The following COLEC10 variants were observed in gnomAD, a reference collection of about 807,000 sequenced individuals.
The protein encoded by COLEC10 is collectin-10.
COLEC10 carries 22 observed loss-of-function variants against 28.4 expected under a neutral mutation model. That is an observed-to-expected ratio of 0.78 (90% CI 0.55 to 1.11). The LOEUF (loss-of-function observed/expected upper bound fraction) is 1.11, where lower values mean the gene tolerates loss of function less well. COLEC10 is among the 50% of genes least tolerant of loss of function. COLEC10 has a pLI of 0.00. For synonymous variants in COLEC10, 125 were observed against 116.1 expected (o/e 1.08, Z -0.49); for missense variants, 361 against 344.1 (o/e 1.05, Z -0.39).
chr8:118,998,076 T>A (rs1253935741), intron 1 of COLEC10, among the ~76,000 whole-genome samples: 1 of 152,164 alleles, frequency 6.6e-6, no homozygotes, highest in Non-Finnish European at 1.5e-5. Flanking sequence ...GATGTGATTT[T>A]GAACAGCAAA....
chr8:118,966,997 T>C, the COLEC10 span, among the ~76,000 whole-genome samples: 7 of 152,124 alleles, frequency 4.6e-5, no homozygotes, highest in African/African-American at 1.7e-4. Context: ...GATCAACTTT[T>C]TAAACACCAC....
intron 2 of COLEC10, among the ~76,000 whole-genome samples, chr8:119,056,099 C>T (rs1814757255): frequency 6.6e-6 from 1 of 151,990 alleles, no homozygotes; most frequent in African/African-American, 2.4e-5. Context: ...CTGATTTCTT[C>T]CTCTTCTTTA....
At chr8:118,997,121 A>C (rs936486689) in intron 1 of COLEC10, among the ~76,000 whole-genome samples, 24 of 152,186 alleles carry the variant, frequency 1.6e-4, no homozygotes, top group African/African-American at 5.5e-4. Flanking sequence ...TCCTTTGCCC[A>C]TTTTAAAATC....
intron 1 of COLEC10, among the ~76,000 whole-genome samples, chr8:119,073,941 C>CGTTTT (rs1815173018): frequency 1.5e-5 from 1 of 67,176 alleles, no homozygotes; most frequent in African/African-American, 1.3e-4. Flanking sequence ...ATAAAACGTA[C>CGTTTT]ATATATACAC....
chr8:119,076,618 T>C (rs1815243009), intron 1 of COLEC10, among the ~76,000 whole-genome samples: 1 of 152,236 alleles, frequency 6.6e-6, no homozygotes, highest in Non-Finnish European at 1.5e-5. Flanking sequence ...CAAGAGCTTA[T>C]AGATTTTGAA....
chr8:118,969,367 A>G, the COLEC10 span, among the ~76,000 whole-genome samples: 1 of 151,952 alleles, frequency 6.6e-6, no homozygotes, highest in Non-Finnish European at 1.5e-5. Flanking sequence ...ACTAATGGAG[A>G]CTCATGGATC....
chr8:119,012,572 G>T (rs568669689), intron 2 of COLEC10, among the ~76,000 whole-genome samples: 1 of 150,472 alleles, frequency 6.6e-6, no homozygotes, highest in Non-Finnish European at 1.5e-5. Flanking sequence ...ATATTTGATA[G>T]AATTCACTAG....
chr8:119,019,698 G>A (rs563411849), intron 2 of COLEC10, among the ~76,000 whole-genome samples: 13 of 152,222 alleles, frequency 8.5e-5, no homozygotes, highest in African/African-American at 2.9e-4. Flanking sequence ...AGATTCCACA[G>A]CAATTGCATT....
intron 2 of COLEC10, among the ~76,000 whole-genome samples, chr8:119,024,060 T>A (rs1270208234): frequency 6.6e-6 from 1 of 152,188 alleles, no homozygotes; most frequent in Non-Finnish European, 1.5e-5. Context: ...AGTTTAGATA[T>A]TAAATTTGCA....
At chr8:119,094,557 C>A (rs1815673248) in intron 3 of COLEC10, among the ~76,000 whole-genome samples, 1 of 152,158 alleles carries the variant, frequency 6.6e-6, no homozygotes, top group African/African-American at 2.4e-5. Flanking sequence ...GGGCCATGAT[C>A]TGGAGGAGAA....
intron 2 of COLEC10, among the ~76,000 whole-genome samples, chr8:119,034,264 T>G (rs909745456): frequency 6.6e-6 from 1 of 151,938 alleles, no homozygotes; most frequent in African/African-American, 2.4e-5. Flanking sequence ...TGGGGAGGGA[T>G]AGCATTTGGA....
upstream of COLEC10, among the ~76,000 whole-genome samples, chr8:118,994,597 A>G (rs1215904850): frequency 6.6e-6 from 1 of 152,124 alleles, no homozygotes; most frequent in East Asian, 1.9e-4. Flanking sequence ...TCCCTTGTCC[A>G]AGGTAGAGCC....
At chr8:118,991,900 C>T (rs1434438731), upstream of COLEC10, among the ~76,000 whole-genome samples, 2 of 152,060 alleles carry the variant, frequency 1.3e-5, no homozygotes, top group Non-Finnish European at 2.9e-5. Flanking sequence ...TATTATTATT[C>T]TTGTTTTACA....
At chr8:119,078,990 T>TACACACAC (rs59453751) in intron 1 of COLEC10, among the ~76,000 whole-genome samples, 37 of 143,100 alleles carry the variant, frequency 2.6e-4, no homozygotes, top group East Asian at 6.4e-4. Context: ...TGGGAAAACG[T>TACACACAC]ACACACACAC....
At chr8:119,094,159 T>C (rs1450157214) in intron 3 of COLEC10, among the ~76,000 whole-genome samples, 1 of 152,132 alleles carries the variant, frequency 6.6e-6, no homozygotes, top group East Asian at 1.9e-4. Context: ...CGGATCATCA[T>C]ATCAATGAGT....
chr8:119,064,605 T>C (rs1373965783), upstream of COLEC10, among the ~76,000 whole-genome samples: 2 of 152,220 alleles, frequency 1.3e-5, no homozygotes, highest in African/African-American at 4.8e-5. Context: ...CTATGACACA[T>C]GTAAAATGTT....
chr8:119,052,120 T>C (rs1175487266), intron 2 of COLEC10, among the ~76,000 whole-genome samples: 1 of 152,198 alleles, frequency 6.6e-6, no homozygotes, highest in Non-Finnish European at 1.5e-5. Flanking sequence ...AATATTACCA[T>C]CTACAAGATT....
intron 2 of COLEC10, among the ~76,000 whole-genome samples, chr8:119,024,908 C>G (rs1301596832): frequency 6.6e-6 from 1 of 152,090 alleles, no homozygotes; most frequent in African/African-American, 2.4e-5. Context: ...TGATTTAGTT[C>G]TCGTATGACT....
At chr8:119,008,000 C>A (rs1036282033) in intron 1 of COLEC10, among the ~76,000 whole-genome samples, 2 of 150,638 alleles carry the variant, frequency 1.3e-5, no homozygotes, top group Middle Eastern at 3.4e-3. Flanking sequence ...TTACTAAGTA[C>A]AAAAAAATTA....
Sources: gnomAD v4.1 joint callset for allele counts (sites outside exome capture counted in the v4.1 genomes callset) on GRCh38, gnomAD v4.1.1 for gene constraint, MANE v1.5 for transcripts, NCBI Gene and HGNC (gene_info 2026-07-23, HGNC 2026-07-21) for gene names.